Variants in TOM1 observed in about 807,000 individuals in gnomAD.
The protein encoded by TOM1 is target of myb1 membrane trafficking protein, also known as target of Myb protein 1.
TOM1 carries 38 observed loss-of-function variants against 61.3 expected under a neutral mutation model. The observed-to-expected ratio is 0.62, with a 90% confidence interval of 0.48 to 0.81. TOM1 has a LOEUF of 0.81. Ranked by LOEUF, TOM1 falls within the 40% of genes least tolerant of loss-of-function variation. TOM1 has a pLI of 0.00. For missense variants in TOM1, 591 were observed against 659.6 expected (o/e 0.90, Z 1.14); for synonymous variants, 270 against 268.8 (o/e 1.00, Z -0.04).
At chr22:35,317,324 G>T (rs1405931331) in intron 1 of TOM1, among the ~76,000 whole-genome samples, 1 of 152,106 alleles carries the variant, frequency 6.6e-6, no homozygotes, top group Non-Finnish European at 1.5e-5. Context: ...CAAGTAGCCA[G>T]GATTACAGGC....
rs141869717 is a variant in TOM1, at chr22:35,347,268, G to T, written c.*59G>T. On this transcript the variant is annotated 3_prime_UTR_variant, in exon 15 of 15. Transcript: ENST00000449058. ...CACTGCTCTCACACCCTTAGGCTGG[G>T]ACCTCCCTCCCTCCTCTGGTGTTAA... The T allele has an allele frequency of 4.6e-4, 690 of 1,508,464 alleles. 6 individuals are homozygous for T. The African/African-American group carries it at 8.8e-3, about 19-fold the overall frequency. The allele number at this position is 1,508,464 out of a possible 1,614,324, so 93.4% of individuals were successfully genotyped here. A position where few individuals can be genotyped will look rare whatever the true frequency, so the allele number is the denominator to read the frequency against.
At chr22:35,342,026 A>T (rs949399563) in intron 12 of TOM1, among the ~76,000 whole-genome samples, 1 of 152,124 alleles carries the variant, frequency 6.6e-6, no homozygotes, top group Non-Finnish European at 1.5e-5. Flanking sequence ...CTGTAGTGCC[A>T]GCTACTTGGG....
At chr22:35,314,319 G>T (rs553441637) in intron 1 of TOM1, among the ~76,000 whole-genome samples, 1 of 152,094 alleles carries the variant, frequency 6.6e-6, no homozygotes, top group East Asian at 1.9e-4. Context: ...TTCTCGTTTA[G>T]GCCACATATC....
chr22:35,303,527 CAG>C (rs1265710702), intron 1 of TOM1, among the ~76,000 whole-genome samples: 1 of 130,660 alleles, frequency 7.7e-6, no homozygotes, highest in Non-Finnish European at 1.6e-5. Context: ...TTTTTTGAGA[CAG>C]AGTCTCAAAA....
At chr22:35,299,690 C>T (rs1003178262), upstream of TOM1, 1 of 564,604 alleles carries the variant, frequency 1.8e-6, no homozygotes, top group Non-Finnish European at 3.1e-6. Context: ...GCCCCGACCC[C>T]AGACCCTACA....
rs550480240 is a variant in TOM1 at position 35,336,362 on chromosome 22, C to T, written c.1148+1914C>T. 1.2e-3 allele frequency among the ~76,000 whole-genome samples: 181 copies of T among 152,258 alleles called. 1 individual carries two copies. The highest frequency in any genetic ancestry group is 4.2e-3 in the African/African-American group (174 of 41,564). On this transcript the variant is annotated intron_variant, in intron 11 of 14. Coordinates refer to ENST00000449058, the MANE Select transcript of TOM1 (RefSeq NM_005488.3). ...TTTTCTGCCAGCTTGGTGTCCAGCC[C>T]GCTCCTCCCTGTACCTGCCTGGCTC...
intron 6 of TOM1, among the ~76,000 whole-genome samples, chr22:35,326,999 T>C (rs1475196103): frequency 2.6e-5 from 4 of 152,160 alleles, no homozygotes; most frequent in Non-Finnish European, 4.4e-5. Flanking sequence ...CAGGAGATGC[T>C]GGAGTCTTCC....
At position 35,318,084 on chromosome 22, in the gene TOM1, C is replaced by T. The variant is rs1927464240; in HGVS notation, c.137+123C>T. The T allele has an allele frequency of 2.4e-5, 21 of 876,582 alleles. No individual in the cohort carries two copies. In the South Asian group the frequency reaches 2.6e-4, roughly 11 times the overall value. The allele number at this position is 876,582 out of a possible 1,614,324, so 54.3% of individuals were successfully genotyped here. ...TGCTGCCATAGCCACCAAGTCTGACCCAACCCGCTTGGCTGCAGAGGCCAT... is the reference window on the plus strand; with the variant it reads ...TGCTGCCATAGCCACCAAGTCTGACTCAACCCGCTTGGCTGCAGAGGCCAT... On this transcript the variant is annotated intron_variant, in intron 2 of 14. Coordinates refer to ENST00000449058, the MANE Select transcript of TOM1 (RefSeq NM_005488.3).
intron 1 of TOM1, among the ~76,000 whole-genome samples, chr22:35,313,420 C>A: frequency 6.6e-6 from 1 of 152,038 alleles, no homozygotes; most frequent in East Asian, 1.9e-4. Context: ...TGTGGCGTGT[C>A]TTTGGTGACT....
rs1396819307 is a variant in TOM1, at chr22:35,299,978, T to G, written c.50T>G (p.Ile17Ser). ...NPFSSPVGQR[I>S]EKATDGSLQS... ...TTCAGCTCTCCAGTGGGACAGCGCATCGGTGAGTCCCTGGAGCCCCCCACA... is the reference window on the plus strand; with the variant it reads ...TTCAGCTCTCCAGTGGGACAGCGCAGCGGTGAGTCCCTGGAGCCCCCCACA... The change falls in exon 1 of 15, where the codon ATC (isoleucine) becomes AGC (serine). Residue 17 changes from isoleucine (I) to serine (S), a missense_variant and splice_region_variant. Ile to Ser is a moderately radical substitution (Grantham distance 142, BLOSUM62 -2). Coordinates refer to ENST00000449058, the MANE Select transcript of TOM1 (RefSeq NM_005488.3). The G allele has an allele frequency of 2.5e-6, 4 of 1,574,208 alleles. No homozygotes were observed. The highest frequency in any genetic ancestry group is 2.6e-6 in the Non-Finnish European group (3 of 1,158,894).
chr22:35,323,001 G>A lies in TOM1; in HGVS notation c.217-27G>A, dbSNP rs1927942480. 1 of 1,612,478 alleles carries A rather than the reference G, an allele frequency of 6.2e-7. No homozygotes were observed. Among genetic ancestry groups the A allele is most frequent in the Non-Finnish European group, 8.5e-7 (1 of 1,179,342 alleles). On this transcript the variant is annotated intron_variant, in intron 3 of 14. Transcript: ENST00000449058. The surrounding 1 kb of genome is among the most constrained non-coding windows in gnomAD (Gnocchi z 4.2). ...GCACCTCCTCTCCTCTGACCAAGGT[G>A]CTCGACGGCACCTCTCGGCCCTCCA... is the stretch of plus-strand genomic sequence containing the variant.
intron 11 of TOM1, 68 bp from the exon 12 acceptor site, chr22:35,338,645 G>A: frequency 7.4e-7 from 1 of 1,357,122 alleles, no homozygotes; most frequent in South Asian, 1.5e-5. Flanking sequence ...GTGCCCCCCA[G>A]CCCGCTCCGT....
chr22:35,299,844 T>G (rs994519453), upstream of TOM1: 5 of 1,478,308 alleles, frequency 3.4e-6, no homozygotes, highest in African/African-American at 7.1e-5. Context: ...CTCGCCGGCC[T>G]CCGAGTGCGT....
chr22:35,300,739 TCA>T (rs1347521370), intron 1 of TOM1, among the ~76,000 whole-genome samples: 1 of 152,164 alleles, frequency 6.6e-6, no homozygotes. Context: ...GACAGGATAC[TCA>T]CAGTTCTGTG....
chr22:35,303,450 G>T (rs1198784964), intron 1 of TOM1, among the ~76,000 whole-genome samples: 4 of 151,078 alleles, frequency 2.6e-5, no homozygotes, highest in Non-Finnish European at 5.9e-5. Context: ...CAGTGTGAGT[G>T]TATGGAAACA....
At chr22:35,343,213 C>CACACACACATCTACACCCACCACACACA in intron 12 of TOM1, among the ~76,000 whole-genome samples, 2 of 141,184 alleles carry the variant, frequency 1.4e-5, no homozygotes, top group African/African-American at 2.7e-5. Flanking sequence ...ACACACACAC[C>CACACACACATCTACACCCACCACACACA]CCTACACACA....
rs536770128 is a variant in TOM1 at position 35,347,342 on chromosome 22, C to T, written c.*133C>T. 5.7e-5 allele frequency: 54 copies of T among 949,102 alleles called. No homozygotes were observed. The East Asian group carries it at 1.2e-3, about 21-fold the overall frequency. The allele number at this position is 949,102 out of a possible 1,614,324, so 58.8% of individuals were successfully genotyped here. ...ACCCCCTTTTCCTCCTCTTTGAAGA[C>T]GGAGCTGCCCCAGCTGTGGCTGGGG... On this transcript the variant is annotated 3_prime_UTR_variant, in exon 15 of 15. Coordinates refer to ENST00000449058, the MANE Select transcript of TOM1 (RefSeq NM_005488.3).
At chr22:35,331,449 C>A in intron 8 of TOM1, 1 of 376,448 alleles carries the variant, frequency 2.7e-6, no homozygotes. Context: ...GTCACATCCC[C>A]AAGAGAGACT....
rs1032805357 is a variant in TOM1 at position 35,330,242 on chromosome 22, A to G, written c.766-105A>G. On this transcript the variant is annotated intron_variant, in intron 7 of 14. Coordinates refer to ENST00000449058, the MANE Select transcript of TOM1 (RefSeq NM_005488.3). ...GCTTGCAGTGAGCCAAGATCGCACCACTGCACTCCAGCCTGGGCGACAGAG... is the reference window on the plus strand; with the variant it reads ...GCTTGCAGTGAGCCAAGATCGCACCGCTGCACTCCAGCCTGGGCGACAGAG... 46 of 1,196,856 alleles carry G rather than the reference A, an allele frequency of 3.8e-5. 1 individual carries two copies. In the African/African-American group the frequency reaches 6.6e-4, roughly 17 times the overall value. 74.1% of individuals were successfully genotyped at this position (1,196,856 alleles called of 1,614,324 possible).
Sources: allele counts gnomAD v4.1 joint callset (sites outside exome capture counted in the v4.1 genomes callset), GRCh38; gene constraint gnomAD v4.1.1; non-coding constraint Gnocchi (gnomAD v3.1); transcripts MANE v1.5; gene names NCBI Gene and HGNC (gene_info 2026-07-23, HGNC 2026-07-21).